The following GRM7 variants were observed in gnomAD, a reference collection of about 807,000 sequenced individuals.
GRM7 encodes the protein glutamate metabotropic receptor 7, also known as metabotropic glutamate receptor 7.
Under a neutral mutation model 84.5 loss-of-function variants are expected in GRM7, and 35 were observed. The ratio of observed to expected loss-of-function variants is 0.41; its 90% CI spans 0.32 to 0.55. The LOEUF is 0.55. Ranked by LOEUF, GRM7 falls within the 20% of genes least tolerant of loss-of-function variation. The probability of loss-of-function intolerance (pLI) is 0.19; values close to 1 mark genes in which losing one functional copy is unlikely to be tolerated. For synonymous variants in GRM7, 487 were observed against 455.1 expected, an observed-to-expected ratio of 1.07 and a Z score of -0.89; for missense variants, 1,003 against 1,194.6, an observed-to-expected ratio of 0.84 and a Z score of 2.36.
chr3:7,259,496 G>A (rs752382370), intron 2 of GRM7, among the ~76,000 whole-genome samples: 1 of 152,048 alleles, frequency 6.6e-6, no homozygotes, highest in Non-Finnish European at 1.5e-5. Context: ...GTGTCCATGT[G>A]TTCTCATCAT....
At chr3:7,474,839 T>C (rs992814489) in intron 7 of GRM7, among the ~76,000 whole-genome samples, 5 of 152,138 alleles carry the variant, frequency 3.3e-5, no homozygotes, top group Non-Finnish European at 7.4e-5. Flanking sequence ...AGCTGCTCCT[T>C]AAAAGATGTA....
At chr3:7,168,410 C>T (rs908112229) in intron 2 of GRM7, among the ~76,000 whole-genome samples, 1 of 151,920 alleles carries the variant, frequency 6.6e-6, no homozygotes, top group Non-Finnish European at 1.5e-5. Context: ...TCATGAAGGT[C>T]GGGACTTCCT....
At chr3:7,634,689 G>T (rs184018370) in intron 8 of GRM7, among the ~76,000 whole-genome samples, 1 of 151,768 alleles carries the variant, frequency 6.6e-6, no homozygotes, top group Non-Finnish European at 1.5e-5. Context: ...AGCTACTCGG[G>T]AGGCTGAGGC....
At chr3:7,109,238 AG>A (rs1426091808) in intron 1 of GRM7, among the ~76,000 whole-genome samples, 4 of 152,148 alleles carry the variant, frequency 2.6e-5, no homozygotes, top group Non-Finnish European at 5.9e-5. Flanking sequence ...GTTGAATTCA[AG>A]GAAGAGGGTA....
intron 2 of GRM7, among the ~76,000 whole-genome samples, chr3:7,224,349 G>A (rs779362715): frequency 1.3e-5 from 2 of 152,196 alleles, no homozygotes; most frequent in Non-Finnish European, 2.9e-5. Context: ...CAAAAGGATA[G>A]TATCAAAGGG....
intron 7 of GRM7, among the ~76,000 whole-genome samples, chr3:7,551,380 G>C (rs938516584): frequency 2.0e-5 from 3 of 152,094 alleles, no homozygotes; most frequent in Non-Finnish European, 4.4e-5. Flanking sequence ...TGTGGGAATT[G>C]AGACTTTGGA....
At chr3:7,441,401 G>A (rs2124871554) in intron 5 of GRM7, among the ~76,000 whole-genome samples, 1 of 152,090 alleles carries the variant, frequency 6.6e-6, no homozygotes, top group South Asian at 2.1e-4. Context: ...ACCTTTGTTG[G>A]ATGCATACAT....
chr3:7,043,659 G>A (rs1255764095), intron 1 of GRM7, among the ~76,000 whole-genome samples: 3 of 152,190 alleles, frequency 2.0e-5, no homozygotes, highest in Non-Finnish European at 4.4e-5. Flanking sequence ...CTGCCATGGA[G>A]CATCTCTCCT....
chr3:7,629,359 G>A (rs1697763762), intron 8 of GRM7, among the ~76,000 whole-genome samples: 2 of 152,174 alleles, frequency 1.3e-5, no homozygotes, highest in African/African-American at 4.8e-5. Context: ...GAGGCTGGAA[G>A]CTCAAAATGA....
intron 4 of GRM7, among the ~76,000 whole-genome samples, chr3:7,375,579 A>G (rs141578976): frequency 6.6e-6 from 1 of 152,050 alleles, no homozygotes; most frequent in African/African-American, 2.4e-5. Flanking sequence ...ACTTCATGTC[A>G]TTCCCCTATC....
chr3:7,558,237 T>G (rs1419955996), intron 7 of GRM7, among the ~76,000 whole-genome samples: 1 of 152,070 alleles, frequency 6.6e-6, no homozygotes, highest in Non-Finnish European at 1.5e-5. Flanking sequence ...GGGGAATAAT[T>G]CTTACCTTAT....
intron 7 of GRM7, among the ~76,000 whole-genome samples, chr3:7,561,018 A>G (rs1338463377): frequency 1.3e-5 from 2 of 152,064 alleles, no homozygotes; most frequent in African/African-American, 4.8e-5. Flanking sequence ...TTGTTTTTCC[A>G]TAATCTGTTG....
intron 7 of GRM7, among the ~76,000 whole-genome samples, chr3:7,468,195 C>T (rs1030354392): frequency 2.0e-5 from 3 of 152,122 alleles, no homozygotes; most frequent in African/African-American, 7.2e-5. Flanking sequence ...TATGTAATAG[C>T]AGCAATCAAG....
chr3:7,171,676 A>G (rs1694988468), intron 2 of GRM7, among the ~76,000 whole-genome samples: 1 of 152,222 alleles, frequency 6.6e-6, no homozygotes, highest in South Asian at 2.1e-4. Flanking sequence ...AACAAACAAA[A>G]GGTAAACCGT....
intron 7 of GRM7, among the ~76,000 whole-genome samples, chr3:7,493,718 G>A (rs984910355): frequency 1.3e-4 from 19 of 151,838 alleles, no homozygotes; most frequent in Non-Finnish European, 2.5e-4. Flanking sequence ...ATTTTATTAT[G>A]TATTTATAGT....
In GRM7 at chr3:7,207,028, A is replaced by G. The variant is rs140749883; in HGVS notation, c.736+60360A>G. 6.7e-3 allele frequency among the ~76,000 whole-genome samples: 1,019 copies of G among 152,332 alleles called. 8 individuals are homozygous for G. The highest frequency in any genetic ancestry group is 0.012 in the Admixed American group (191 of 15,300). ...ACAGTTTGGATGGAAATAAGTAACA[A>G]TAAAGAAAGCTAGCATGAGAAATTA... is the stretch of plus-strand genomic sequence containing the variant. On this transcript the variant is annotated intron_variant, in intron 2 of 9. Transcript: ENST00000357716.
chr3:6,972,154 G>C (rs1222311378), intron 1 of GRM7, among the ~76,000 whole-genome samples: 3 of 152,284 alleles, frequency 2.0e-5, no homozygotes, highest in Non-Finnish European at 4.4e-5. Flanking sequence ...AAATTTCTGA[G>C]AGATATATGA....
intron 7 of GRM7, chr3:7,535,142 C>T (rs1244592360): frequency 6.6e-6 from 1 of 152,090 alleles, no homozygotes; most frequent in Non-Finnish European, 1.5e-5. Context: ...CAAATATTCT[C>T]TGCATGTTTA....
chr3:7,403,834 T>A (rs2125163092), intron 4 of GRM7, among the ~76,000 whole-genome samples: 1 of 150,696 alleles, frequency 6.6e-6, no homozygotes, highest in South Asian at 2.1e-4. Flanking sequence ...GATGGATGGA[T>A]AGATAGATAG....
Sources: allele counts gnomAD v4.1 joint callset (sites outside exome capture counted in the v4.1 genomes callset), GRCh38; gene constraint gnomAD v4.1.1; transcripts MANE v1.5; gene names NCBI Gene and HGNC (gene_info 2026-07-23, HGNC 2026-07-21).